The following CDIN1 variants were observed in gnomAD, a reference collection of about 807,000 sequenced individuals.
CDIN1 encodes CDAN1-interacting nuclease 1.
In CDIN1, 33 loss-of-function variants were observed where a neutral mutation model predicts 45.3. That is an observed-to-expected ratio of 0.73 (90% CI 0.55 to 0.97). CDIN1 has a LOEUF of 0.97. CDIN1 is among the 50% of genes least tolerant of loss of function. CDIN1 has a pLI of 0.00. For missense variants in CDIN1, 303 were observed against 339.4 expected (o/e 0.89, Z 0.84); for synonymous variants, 118 against 124.4 (o/e 0.95, Z 0.34).
chr15:36,614,613 C>A (rs892775103), intron 1 of CDIN1, among the ~76,000 whole-genome samples: 1 of 152,154 alleles, frequency 6.6e-6, no homozygotes, highest in East Asian at 1.9e-4. Flanking sequence ...AATGCATATT[C>A]CCCTCTCCAT....
intron 1 of CDIN1, among the ~76,000 whole-genome samples, chr15:36,594,312 G>A (rs868681353): frequency 6.6e-6 from 1 of 152,036 alleles, no homozygotes; most frequent in Non-Finnish European, 1.5e-5. Flanking sequence ...TTGAAAAAAA[G>A]TTGCCTATTC....
intron 10 of CDIN1, among the ~76,000 whole-genome samples, chr15:36,797,333 A>C (rs1385704386): frequency 1.3e-5 from 2 of 152,230 alleles, no homozygotes; most frequent in Non-Finnish European, 2.9e-5. Flanking sequence ...ATGTTTTTAC[A>C]ACCTTATCTT....
chr15:36,604,946 A>G (rs1318459095), intron 1 of CDIN1, among the ~76,000 whole-genome samples: 1 of 152,178 alleles, frequency 6.6e-6, no homozygotes, highest in Non-Finnish European at 1.5e-5. Context: ...TTAAAGAGAA[A>G]GGGGGATTTA....
intron 1 of CDIN1, among the ~76,000 whole-genome samples, chr15:36,612,799 T>G (rs1479814465): frequency 6.6e-6 from 1 of 152,196 alleles, no homozygotes. Context: ...GGTTACTGAT[T>G]ATATAATCAA....
intron 1 of CDIN1, among the ~76,000 whole-genome samples, chr15:36,621,900 T>C (rs1483731901): frequency 7.1e-6 from 1 of 141,482 alleles, no homozygotes; most frequent in African/African-American, 2.7e-5. Context: ...CAAGGGCTTT[T>C]AATAGAATTG....
intron 1 of CDIN1, among the ~76,000 whole-genome samples, chr15:36,623,150 T>C (rs567413459): frequency 1.3e-5 from 2 of 152,282 alleles, no homozygotes; most frequent in South Asian, 2.1e-4. Context: ...TTTGGGAACA[T>C]AGTGAAACTC....
intron 1 of CDIN1, chr15:36,613,767 T>C: frequency 1.9e-6 from 3 of 1,601,368 alleles, no homozygotes; most frequent in Non-Finnish European, 2.6e-6. Flanking sequence ...AACCGGGCCT[T>C]AAAAGATGAA....
At chr15:36,796,210 G>A (rs1456165060) in intron 10 of CDIN1, among the ~76,000 whole-genome samples, 1 of 152,106 alleles carries the variant, frequency 6.6e-6, no homozygotes, top group African/African-American at 2.4e-5. Context: ...GTTGGGTGGG[G>A]TTTTTGGCAT....
chr15:36,739,574 A>G (rs936369494), intron 10 of CDIN1, among the ~76,000 whole-genome samples: 6 of 152,246 alleles, frequency 3.9e-5, no homozygotes, highest in Non-Finnish European at 4.4e-5. Flanking sequence ...TGTTATCAGT[A>G]TGTTTGGAGA....
At position 36,680,390 on chromosome 15, in the gene CDIN1, T is replaced by C. The variant is rs186895590; in HGVS notation, c.347-11295T>C. 2.0e-5 allele frequency among the ~76,000 whole-genome samples: 3 copies of C among 152,352 alleles called. No homozygotes were observed. The East Asian group carries it at 5.8e-4, about 29-fold the overall frequency. On this transcript the variant is annotated intron_variant, in intron 5 of 10. Transcript: ENST00000566621. ...ATAAGTATTCCCCTGAACTTATTAC[T>C]AAAGGGCCTTCAAAAATTTCAACAA...
At chr15:36,611,624 A>G (rs151079675) in intron 1 of CDIN1, among the ~76,000 whole-genome samples, 122 of 152,316 alleles carry the variant, frequency 8.0e-4, no homozygotes, top group Middle Eastern at 3.4e-3. Flanking sequence ...TCTTAGTATT[A>G]TCATTATCTT....
intron 10 of CDIN1, among the ~76,000 whole-genome samples, chr15:36,751,584 T>G (rs2053472541): frequency 6.6e-6 from 1 of 151,972 alleles, no homozygotes; most frequent in Admixed American, 6.6e-5. Context: ...GACAGTACAG[T>G]GTGGCGATTA....
chr15:36,775,763 T>G (rs1476641293), intron 10 of CDIN1, among the ~76,000 whole-genome samples: 1 of 152,234 alleles, frequency 6.6e-6, no homozygotes. Flanking sequence ...GTTTTCTAAA[T>G]GTATAAATAT....
chr15:36,676,136 A>C (rs919805446), intron 5 of CDIN1, among the ~76,000 whole-genome samples: 4 of 152,124 alleles, frequency 2.6e-5, no homozygotes, highest in African/African-American at 7.2e-5. Context: ...AGTTCCCAGG[A>C]AATGTTTCTT....
intron 1 of CDIN1, among the ~76,000 whole-genome samples, chr15:36,616,628 T>C (rs1213164435): frequency 1.3e-5 from 2 of 152,168 alleles, no homozygotes; most frequent in African/African-American, 2.4e-5. Flanking sequence ...AAGAATATAA[T>C]GCAAGGCTGG....
In CDIN1 at chr15:36,755,707, G is replaced by A. The variant is rs542786810; in HGVS notation, c.716+45746G>A. Among the ~76,000 whole-genome samples, 13 of 151,564 alleles carry A rather than the reference G, an allele frequency of 8.6e-5. No homozygotes were observed. In the East Asian group the frequency reaches 2.5e-3, roughly 29 times the overall value. On this transcript the variant is annotated intron_variant, in intron 10 of 10. Transcript: ENST00000566621. ...GGTTTAAAAAAAAAAAAAATCTTGA[G>A]CTTGAACAAATAGTTGCCAAGAGCA... is the stretch of plus-strand genomic sequence containing the variant.
intron 1 of CDIN1, chr15:36,617,747 A>G: frequency 6.2e-6 from 5 of 803,718 alleles, no homozygotes; most frequent in Non-Finnish European, 8.9e-6. Flanking sequence ...CTTTGTTCAA[A>G]TTGAAAACTG....
At chr15:36,746,669 C>CCACATACA (rs979535128) in intron 10 of CDIN1, among the ~76,000 whole-genome samples, 4 of 141,434 alleles carry the variant, frequency 2.8e-5, no homozygotes, top group African/African-American at 1.1e-4. Flanking sequence ...ATATATGGTT[C>CCACATACA]CACACACACA....
At chr15:36,757,927 C>T (rs933024467) in intron 10 of CDIN1, among the ~76,000 whole-genome samples, 1 of 152,076 alleles carries the variant, frequency 6.6e-6, no homozygotes, top group Non-Finnish European at 1.5e-5. Flanking sequence ...AGACCACATT[C>T]ATGTAACTTT....
Sources: allele counts gnomAD v4.1 joint callset (sites outside exome capture counted in the v4.1 genomes callset), GRCh38; gene constraint gnomAD v4.1.1; transcripts MANE v1.5; gene names NCBI Gene and HGNC (gene_info 2026-07-23, HGNC 2026-07-21).